Variants in NSD1 observed in about 807,000 individuals in gnomAD.
NSD1 encodes the protein nuclear receptor binding SET domain protein 1.
Under a neutral mutation model 242.7 loss-of-function variants are expected in NSD1, and 26 were observed. The ratio of observed to expected loss-of-function variants is 0.11; its 90% confidence interval spans 0.08 to 0.15. NSD1 has a LOEUF of 0.15. Ranked by LOEUF, NSD1 falls within the 10% of genes least tolerant of loss-of-function variation. The pLI is 1.00. For missense variants in NSD1, 2,495 were observed against 3,272.8 expected, an observed-to-expected ratio of 0.76 and a Z score of 5.80; for synonymous variants, 1,106 against 1,178.1, an observed-to-expected ratio of 0.94 and a Z score of 1.25.
At chr5:177,167,463 AG>A (rs1376743436) in intron 2 of NSD1, among the ~76,000 whole-genome samples, 1 of 152,040 alleles carries the variant, frequency 6.6e-6, no homozygotes. Flanking sequence ...TGAACCTGGG[AG>A]GCAGAGGTTG....
chr5:177,260,689 G>A (rs1232778351), intron 14 of NSD1, among the ~76,000 whole-genome samples: 2 of 152,076 alleles, frequency 1.3e-5, no homozygotes, highest in Non-Finnish European at 2.9e-5. Flanking sequence ...CCAATAGGGA[G>A]AGGTTTTATT....
At chr5:177,245,025 G>A (rs556181209) in intron 9 of NSD1, among the ~76,000 whole-genome samples, 14 of 152,190 alleles carry the variant, frequency 9.2e-5, no homozygotes, top group African/African-American at 2.9e-4. Context: ...GACCAGGCTC[G>A]GCACTTAGTG....
intron 2 of NSD1, among the ~76,000 whole-genome samples, chr5:177,168,618 G>A (rs1324657247): frequency 1.3e-5 from 2 of 151,788 alleles, no homozygotes; most frequent in Non-Finnish European, 2.9e-5. Flanking sequence ...CCACCACCAC[G>A]CCCAGCTCAT....
At chr5:177,261,236 A>AT (rs10652091) in intron 14 of NSD1, among the ~76,000 whole-genome samples, 1,889 of 74,628 alleles carry the variant, frequency 0.025, 39 homozygotes, top group Non-Finnish European at 0.035. Context: ...TGCCCCACTA[A>AT]TTTTTTTTTT....
At chr5:177,226,541 A>C (rs1008478570) in intron 5 of NSD1, among the ~76,000 whole-genome samples, 2 of 152,078 alleles carry the variant, frequency 1.3e-5, no homozygotes, top group Non-Finnish European at 2.9e-5. Flanking sequence ...CCTGGTCTCA[A>C]ACTCTTTCCT....
At chr5:177,131,818 C>G (rs1755910219), upstream of NSD1, among the ~76,000 whole-genome samples, 1 of 152,258 alleles carries the variant, frequency 6.6e-6, no homozygotes, top group Admixed American at 6.5e-5. Flanking sequence ...GGAGTTAACT[C>G]CAAATCTAAT....
chr5:177,213,911 T>C (rs565594080), intron 5 of NSD1, among the ~76,000 whole-genome samples: 9 of 152,338 alleles, frequency 5.9e-5, no homozygotes, highest in Admixed American at 4.6e-4. Context: ...TTGTAGTATG[T>C]ATCAGTTCTT....
rs1758800817 is a variant in NSD1, at chr5:177,280,708, C to T, written c.5766C>T (p.Pro1922=). ...GCATGCTGCTCTATGAGTGCCACCC[C>T]ACAGTGTGTCCTGCCGGAGGGCGCT... The part of the protein sequence containing the change: ...INRMLLYECH[P]TVCPAGGRCQ... The change falls in exon 18 of 23, where the codon CCC becomes CCT. Residue 1922 remains proline (P), a synonymous_variant. Coordinates refer to ENST00000439151, the MANE Select transcript of NSD1 (RefSeq NM_022455.5). The T allele has an allele frequency of 6.2e-7, 1 of 1,614,256 alleles. No homozygotes were observed.
In NSD1 at chr5:177,296,192, G is replaced by C. The variant is rs572952271; in HGVS notation, c.*733G>C. On this transcript the variant is annotated 3_prime_UTR_variant, in exon 23 of 23. Coordinates refer to ENST00000439151, the MANE Select transcript of NSD1 (RefSeq NM_022455.5). ...AGGGTGCTGCATTGAGGCCAGCAAGGCTGTTGGCTGTGGGGTCGCCGCTGC... is the reference window on the plus strand; with the variant it reads ...AGGGTGCTGCATTGAGGCCAGCAAGCCTGTTGGCTGTGGGGTCGCCGCTGC... 2.4e-4 allele frequency: 56 copies of C among 236,670 alleles called. No homozygotes were observed. Among genetic ancestry groups the C allele is most frequent in the African/African-American group, 1.2e-3 (54 of 45,486 alleles). 14.7% of individuals were successfully genotyped at this position (236,670 alleles called of 1,614,324 possible).
intron 3 of NSD1, among the ~76,000 whole-genome samples, chr5:177,196,269 A>G (rs1287423862): frequency 1.3e-5 from 2 of 152,208 alleles, no homozygotes; most frequent in Admixed American, 1.3e-4. Flanking sequence ...GAAACAATGT[A>G]TATAATTAAA....
At chr5:177,276,526 A>T (rs1758398443) in intron 17 of NSD1, among the ~76,000 whole-genome samples, 1 of 152,122 alleles carries the variant, frequency 6.6e-6, no homozygotes, top group African/African-American at 2.4e-5. Flanking sequence ...GGGTTTCACC[A>T]TGTTAGCCAG....
At chr5:177,175,164 C>T (rs1193027019) in intron 2 of NSD1, among the ~76,000 whole-genome samples, 1 of 152,202 alleles carries the variant, frequency 6.6e-6, no homozygotes, top group Non-Finnish European at 1.5e-5. Flanking sequence ...AGCCACTACA[C>T]CCGGCCTGAC....
intron 22 of NSD1, among the ~76,000 whole-genome samples, chr5:177,292,896 A>G (rs554275260): frequency 6.6e-6 from 1 of 152,312 alleles, no homozygotes; most frequent in Admixed American, 6.5e-5. Flanking sequence ...GGGTGAGGAG[A>G]TTATACATTA....
In NSD1 at chr5:177,210,199, A is replaced by G; in HGVS notation, c.1800A>G (p.Ser600=). 2 of 1,599,200 alleles carry G rather than the reference A, an allele frequency of 1.3e-6. No individual in the cohort carries two copies. The highest frequency in any genetic ancestry group is 1.7e-6 in the Non-Finnish European group (2 of 1,173,516). Residue 600 remains serine (S), a synonymous_variant, in exon 5 of 23, where the codon TCA becomes TCG. Coordinates refer to ENST00000439151, the MANE Select transcript of NSD1 (RefSeq NM_022455.5). ...LLGLPEGALI[S]KCSREKNKPQ... ...GCTTGCCTGAGGGTGCTTTGATCTC[A>G]AAGTGTTCTCGAGAGAAGAATAAAC...
chr5:177,268,361 A>T (rs1333735574), intron 15 of NSD1, among the ~76,000 whole-genome samples: 1 of 150,446 alleles, frequency 6.6e-6, no homozygotes, highest in East Asian at 2.0e-4. Flanking sequence ...TAGCATTAGG[A>T]GATATACCTA....
chr5:177,206,504 A>G (rs1383323708), intron 4 of NSD1, among the ~76,000 whole-genome samples: 1 of 152,224 alleles, frequency 6.6e-6, no homozygotes, highest in African/African-American at 2.4e-5. Context: ...AGGGTCTGCC[A>G]CTTAACACTT....
Position 177,295,017 on chromosome 5 carries a change from A to T in NSD1, c.7649A>T (p.Glu2550Val), listed in dbSNP as rs1760153806. 4 of 1,614,076 alleles carry T rather than the reference A, an allele frequency of 2.5e-6. No individual in the cohort carries two copies. In the South Asian group the frequency reaches 4.4e-5, roughly 18 times the overall value. ...SQPPAKAFLY[E>V]PTTQASGRAS... The stretch of plus-strand genomic sequence containing the variant: ...CCTCCTGCCAAGGCCTTTTTATATG[A>T]GCCAACAACTCAGGCCTCAGGAAGA... Residue 2550 changes from glutamate to valine, a missense_variant, in exon 23 of 23, where the codon GAG becomes GTG. Glu to Val is a moderately radical substitution (Grantham distance 121). Coordinates refer to ENST00000439151, the MANE Select transcript of NSD1 (RefSeq NM_022455.5). The surrounding 1 kb of genome is among the most constrained non-coding windows in gnomAD (Gnocchi z 4.3).
chr5:177,273,772 T>C lies in NSD1; in HGVS notation c.5610T>C (p.Tyr1870=), dbSNP rs1581507735. The change falls in exon 17 of 23, where the codon TAT becomes TAC. Residue 1870 remains tyrosine, a synonymous_variant. Coordinates refer to ENST00000439151, the MANE Select transcript of NSD1 (RefSeq NM_022455.5). Reference sequence around the variant, plus strand: ...AGAATGACAAGAAGCCACCACCTTATAAACATATAAAGGTGAGGAGAAAAT... The same window carrying C: ...AGAATGACAAGAAGCCACCACCTTACAAACATATAAAGGTGAGGAGAAAAT... ...DRKNDKKPPP[Y]KHIKVNRPIG... 4 of 1,609,124 alleles carry C rather than the reference T, an allele frequency of 2.5e-6. No individual in the cohort carries two copies. The highest frequency in any genetic ancestry group is 1.3e-5 in the African/African-American group (1 of 74,758).
chr5:177,283,087 G>A (rs1759025213), intron 19 of NSD1, among the ~76,000 whole-genome samples: 2 of 152,054 alleles, frequency 1.3e-5, no homozygotes, highest in African/African-American at 4.8e-5. Context: ...CCAAGTAGCT[G>A]GGACTACAGG....
Sources: allele counts gnomAD v4.1 joint callset (sites outside exome capture counted in the v4.1 genomes callset), GRCh38; gene constraint gnomAD v4.1.1; non-coding constraint Gnocchi (gnomAD v3.1); transcripts MANE v1.5; gene names NCBI Gene and HGNC (gene_info 2026-07-23, HGNC 2026-07-21).